Variants in ARID1B observed in about 807,000 individuals in gnomAD.
The protein encoded by ARID1B is AT-rich interaction domain 1B.
Under a neutral mutation model 212.3 loss-of-function variants are expected in ARID1B, and 30 were observed. That is an observed-to-expected ratio of 0.14 (90% CI 0.11 to 0.19). ARID1B has a LOEUF of 0.19. Ranked by LOEUF, ARID1B falls within the 10% of genes least tolerant of loss-of-function variation. The pLI is 1.00. For synonymous variants in ARID1B, 1,402 were observed against 1,301.7 expected (o/e 1.08, Z -1.66); for missense variants, 2,891 against 3,204.0 (o/e 0.90, Z 2.36).
intron 7 of ARID1B, among the ~76,000 whole-genome samples, chr6:157,145,620 A>G (rs1789671426): frequency 2.0e-5 from 3 of 152,222 alleles, no homozygotes; most frequent in Admixed American, 2.0e-4. Context: ...ATATGTGTGA[A>G]TTTAAGAAAG....
At chr6:157,091,166 C>T (rs566426086) in intron 5 of ARID1B, among the ~76,000 whole-genome samples, 2 of 152,324 alleles carry the variant, frequency 1.3e-5, no homozygotes, top group South Asian at 2.1e-4. Flanking sequence ...GAGCCTAATT[C>T]TCTGCAGCTT....
chr6:157,039,858 TTCTC>T (rs373555401), intron 4 of ARID1B, among the ~76,000 whole-genome samples: 3,597 of 125,580 alleles, frequency 0.029, 187 homozygotes, highest in Non-Finnish European at 0.035. Flanking sequence ...TTCTCTCTCT[TTCTC>T]TCTCTTTCTC....
In ARID1B at chr6:157,190,137, C is replaced by T. The variant is rs1040342033; in HGVS notation, c.4158C>T (p.Gly1386=). 22 of 1,614,076 alleles carry T rather than the reference C, an allele frequency of 1.4e-5. No homozygotes were observed. In the East Asian group the frequency reaches 4.9e-4, roughly 36 times the overall value. The change falls in exon 15 of 20, where the codon GGC becomes GGT. Residue 1386 remains glycine (G), a synonymous_variant. Coordinates refer to ENST00000636930, the MANE Select transcript of ARID1B (RefSeq NM_001374828.1). This position sits in a 1 kb window ranked among gnomAD's most constrained non-coding sequence, Gnocchi z 4.6. ...CTCCAAACGCCCCCTACCAGCAGGGCATGAGCATGCCCGATGTGATGGGCA... is the reference window on the plus strand; with the variant it reads ...CTCCAAACGCCCCCTACCAGCAGGGTATGAGCATGCCCGATGTGATGGGCA... The part of the protein sequence containing the change: ...SMTPNAPYQQ[G]MSMPDVMGRM...
At chr6:156,849,773 A>G (rs1032923140) in intron 2 of ARID1B, among the ~76,000 whole-genome samples, 2 of 151,982 alleles carry the variant, frequency 1.3e-5, no homozygotes, top group African/African-American at 2.4e-5. Flanking sequence ...TAAGGACCGT[A>G]GTTGGTAAGC....
intron 4 of ARID1B, among the ~76,000 whole-genome samples, chr6:156,995,630 A>G (rs960125814): frequency 6.6e-6 from 1 of 152,228 alleles, no homozygotes; most frequent in Non-Finnish European, 1.5e-5. Flanking sequence ...CTTCACTGAC[A>G]TGGACAAGTG....
In ARID1B at chr6:156,819,474, T is replaced by C. The variant is rs373910819; in HGVS notation, c.1792-9753T>C. 3.5e-4 allele frequency among the ~76,000 whole-genome samples: 53 copies of C among 152,232 alleles called. No individual in the cohort carries two copies. The South Asian group carries it at 1.0e-2, about 29-fold the overall frequency. On this transcript the variant is annotated intron_variant, in intron 1 of 19. Transcript: ENST00000636930. ...ACATTTGCTAAATTAAATTGAAAAG[T>C]GTAGCTTAGTCAGACAGTAATTTAC...
chr6:156,948,903 C>T (rs1431601713), intron 4 of ARID1B, among the ~76,000 whole-genome samples: 1 of 152,210 alleles, frequency 6.6e-6, no homozygotes, highest in Non-Finnish European at 1.5e-5. Flanking sequence ...TTGCAGAATT[C>T]ATACTTTCAG....
chr6:156,875,290 A>G (rs1017770451), intron 2 of ARID1B, among the ~76,000 whole-genome samples: 21 of 152,240 alleles, frequency 1.4e-4, no homozygotes, highest in African/African-American at 4.8e-4. Context: ...GCATTGCATG[A>G]TCAACTTTCA....
At chr6:156,791,915 A>G (rs565860281) in intron 1 of ARID1B, among the ~76,000 whole-genome samples, 30 of 152,214 alleles carry the variant, frequency 2.0e-4, no homozygotes, top group African/African-American at 5.3e-4. Context: ...TCCAAACTAT[A>G]TTTTTGAAAT....
At chr6:156,893,519 A>T (rs1206356983) in intron 2 of ARID1B, among the ~76,000 whole-genome samples, 1 of 152,212 alleles carries the variant, frequency 6.6e-6, no homozygotes, top group Non-Finnish European at 1.5e-5. Context: ...AATAGGAGAA[A>T]ATATTTGCAA....
chr6:156,944,838 G>A (rs746702920), intron 4 of ARID1B, among the ~76,000 whole-genome samples: 3 of 152,050 alleles, frequency 2.0e-5, no homozygotes, highest in Non-Finnish European at 4.4e-5. Context: ...ACCACTGTTC[G>A]TCTTTAATGA....
At chr6:157,165,107 T>C (rs1347199793) in intron 8 of ARID1B, among the ~76,000 whole-genome samples, 1 of 152,184 alleles carries the variant, frequency 6.6e-6, no homozygotes, top group African/African-American at 2.4e-5. Context: ...CAAGATGATG[T>C]AAAGCCCTGA....
At chr6:156,991,716 T>G (rs1338596225) in intron 4 of ARID1B, among the ~76,000 whole-genome samples, 4 of 152,236 alleles carry the variant, frequency 2.6e-5, no homozygotes, top group African/African-American at 7.2e-5. Context: ...TAGGAATAAT[T>G]GGAACTTAGT....
At chr6:157,086,408 GAC>G (rs978647153) in intron 5 of ARID1B, among the ~76,000 whole-genome samples, 2 of 152,148 alleles carry the variant, frequency 1.3e-5, no homozygotes, top group Non-Finnish European at 2.9e-5. Context: ...GAGTTTTTAA[GAC>G]AGTTTTTGGT....
chr6:157,122,046 A>T (rs1268485349), intron 6 of ARID1B, among the ~76,000 whole-genome samples: 2 of 152,184 alleles, frequency 1.3e-5, no homozygotes, highest in African/African-American at 2.4e-5. Flanking sequence ...TAACACAGGG[A>T]CATGTTTTAG....
intron 4 of ARID1B, among the ~76,000 whole-genome samples, chr6:156,986,464 A>G (rs756071217): frequency 2.6e-5 from 4 of 152,246 alleles, no homozygotes; most frequent in Non-Finnish European, 5.9e-5. Flanking sequence ...TCATCAGCAT[A>G]AGAGACAGCA....
chr6:156,931,626 C>T (rs1249185295), intron 3 of ARID1B, among the ~76,000 whole-genome samples: 7 of 152,036 alleles, frequency 4.6e-5, no homozygotes, highest in Non-Finnish European at 8.8e-5. Flanking sequence ...GGAGACCAGC[C>T]TGGGAAGTAT....
chr6:156,827,928 T>G (rs564494344), intron 1 of ARID1B, among the ~76,000 whole-genome samples: 14 of 151,616 alleles, frequency 9.2e-5, no homozygotes, highest in African/African-American at 2.9e-4. Context: ...GCCCAGCTGA[T>G]TTTTGTATTT....
At chr6:157,158,184 G>A (rs1256669782) in intron 8 of ARID1B, among the ~76,000 whole-genome samples, 1 of 152,190 alleles carries the variant, frequency 6.6e-6, no homozygotes, top group East Asian at 1.9e-4. Context: ...GGCTGGTGAG[G>A]ACATAAAGAA....
Sources: allele counts gnomAD v4.1 joint callset (sites outside exome capture counted in the v4.1 genomes callset), GRCh38; gene constraint gnomAD v4.1.1; non-coding constraint Gnocchi (gnomAD v3.1); transcripts MANE v1.5; gene names NCBI Gene and HGNC (gene_info 2026-07-23, HGNC 2026-07-21).